MARCHF7: variants seen among roughly 807,000 people sequenced by gnomAD.
MARCHF7 encodes the protein E3 ubiquitin-protein ligase MARCHF7.
Under a neutral mutation model 76.5 loss-of-function variants are expected in MARCHF7, and 20 were observed. The ratio of observed to expected loss-of-function variants is 0.26; its 90% CI spans 0.18 to 0.38. The LOEUF (loss-of-function observed/expected upper bound fraction) is 0.38, where lower values mean the gene tolerates loss of function less well. MARCHF7 is among the 10% of genes least tolerant of loss of function. The pLI, the probability that MARCHF7 is intolerant of heterozygous loss-of-function variation, is 1.00. For synonymous variants in MARCHF7, 295 were observed against 293.0 expected, an observed-to-expected ratio of 1.01 and a Z score of -0.07; for missense variants, 797 against 812.9, an observed-to-expected ratio of 0.98 and a Z score of 0.24.
At chr2:159,731,795 A>AT (rs1236817967) in intron 4 of MARCHF7, among the ~76,000 whole-genome samples, 3 of 147,192 alleles carry the variant, frequency 2.0e-5, no homozygotes, top group African/African-American at 5.0e-5. Context: ...AACAAATAGC[A>AT]TTTTTTAAAA....
intron 1 of MARCHF7, among the ~76,000 whole-genome samples, chr2:159,713,705 T>TTTAACAGTATAATA (rs1700616227): frequency 1.3e-5 from 2 of 152,200 alleles, no homozygotes; most frequent in African/African-American, 4.8e-5. Flanking sequence ...GTATAATATT[T>TTTAACAGTATAATA]TTATTTAACA....
intron 3 of MARCHF7, among the ~76,000 whole-genome samples, chr2:159,721,440 T>G (rs1032078080): frequency 6.6e-6 from 1 of 152,196 alleles, no homozygotes; most frequent in African/African-American, 2.4e-5. Flanking sequence ...CAGCCACTAT[T>G]AAAATGCCTT....
chr2:159,736,138 G>T (rs1377575314), intron 4 of MARCHF7, among the ~76,000 whole-genome samples: 2 of 152,152 alleles, frequency 1.3e-5, no homozygotes, highest in Non-Finnish European at 2.9e-5. Flanking sequence ...TAAAATAAGG[G>T]AATGGAATTG....
intron 7 of MARCHF7, among the ~76,000 whole-genome samples, chr2:159,750,196 A>C (rs1705455141): frequency 6.6e-6 from 1 of 152,312 alleles, no homozygotes; most frequent in East Asian, 1.9e-4. Context: ...ATGAGCCACC[A>C]TGCCCAGCCA....
At chr2:159,732,937 A>G in intron 4 of MARCHF7, 1 of 985,066 alleles carries the variant, frequency 1.0e-6, no homozygotes, top group Non-Finnish European at 1.2e-6. Context: ...AAGATTGTTC[A>G]TCTTAATTGT....
At chr2:159,753,550 CAA>C (rs55967231) in intron 8 of MARCHF7, among the ~76,000 whole-genome samples, 50 of 142,022 alleles carry the variant, frequency 3.5e-4, no homozygotes, top group African/African-American at 7.5e-4. Flanking sequence ...GACTCCATGT[CAA>C]AAAAAAAAAA....
chr2:159,757,666 T>C (rs1706501057), intron 8 of MARCHF7, among the ~76,000 whole-genome samples: 1 of 152,184 alleles, frequency 6.6e-6, no homozygotes, highest in Admixed American at 6.5e-5. Context: ...TAGAAATAAA[T>C]GGGTTGCTCC....
At position 159,715,701 on chromosome 2, in the gene MARCHF7, T is replaced by A. The variant is rs1434430225; in HGVS notation, c.-80T>A. The A allele has an allele frequency of 2.0e-5, 3 of 152,156 alleles. No individual in the cohort carries two copies. The highest frequency in any genetic ancestry group is 4.4e-5 in the Non-Finnish European group (3 of 68,034). 9.4% of individuals were successfully genotyped at this position (152,156 alleles called of 1,614,324 possible). A position where few individuals can be genotyped will look rare whatever the true frequency, so the allele number is the denominator to read the frequency against. Reference sequence around the variant, plus strand: ...TTCAGCTTTCTGCCCTGGCATGAACTTACATGGTCAGAGCTGGTTTTTCCT... The same window carrying A: ...TTCAGCTTTCTGCCCTGGCATGAACATACATGGTCAGAGCTGGTTTTTCCT... On this transcript the variant is annotated 5_prime_UTR_variant, in exon 3 of 12. Coordinates refer to ENST00000409175, the MANE Select transcript of MARCHF7 (RefSeq NM_001282805.2).
Position 159,752,466 on chromosome 2 carries a change from GCAT to G in MARCHF7, c.1686_1688del (p.Ser563del). 1.2e-6 allele frequency: 2 copies of G among 1,606,276 alleles called. No individual in the cohort carries two copies. Among genetic ancestry groups the G allele is most frequent in the Non-Finnish European group, 1.7e-6 (2 of 1,176,900 alleles). On this transcript the variant is annotated inframe_deletion, in exon 8 of 12. Coordinates refer to ENST00000409175, the MANE Select transcript of MARCHF7 (RefSeq NM_001282805.2). ...ATGTAGAATTTGTCAAATGGCAGCT[GCAT>G]CATCATCTAATTTGCTGATAGAGCC...
chr2:159,753,087 G>A (rs967285760), intron 8 of MARCHF7, among the ~76,000 whole-genome samples: 5 of 152,166 alleles, frequency 3.3e-5, no homozygotes, highest in Non-Finnish European at 7.4e-5. Flanking sequence ...TGTTAAGGAA[G>A]TGCCTTTTTG....
rs28365982 is a variant in MARCHF7, at chr2:159,712,509, T to G, written c.-240T>G. ...GGGGCACTTAACGGTGGTGGCTGGT[T>G]CTGCGCCGGATCCGGGAGAGGGGCG... On this transcript the variant is annotated 5_prime_UTR_variant, in exon 1 of 12. Transcript: ENST00000409175. 4,795 of 152,790 alleles carry G rather than the reference T, an allele frequency of 0.031. 115 individuals carry two copies. The highest frequency in any genetic ancestry group is 0.13 in the East Asian group (692 of 5,140). The allele number at this position is 152,790 out of a possible 1,614,324, so 9.5% of individuals were successfully genotyped here. A position where few individuals can be genotyped will look rare whatever the true frequency, so the allele number is the denominator to read the frequency against.
At position 159,748,721 on chromosome 2, in the gene MARCHF7, G is replaced by T; in HGVS notation, c.1431G>T (p.Gly477=). ...AQGGRNTGIS[G]ILPGSLFRFA... ...GTGGAAGAAATACAGGAATATCAGG[G>T]ATTCTTCCTGGTTCCTTATTCCGGT... The change falls in exon 7 of 12, where the codon GGG becomes GGT. Residue 477 remains glycine (G), a synonymous_variant. Transcript: ENST00000409175. The T allele has an allele frequency of 6.2e-7, 1 of 1,614,138 alleles. No homozygotes were observed. Among genetic ancestry groups the T allele is most frequent in the Non-Finnish European group, 8.5e-7 (1 of 1,180,026 alleles).
At chr2:159,728,489 A>G (rs570365276) in intron 3 of MARCHF7, among the ~76,000 whole-genome samples, 1 of 152,358 alleles carries the variant, frequency 6.6e-6, no homozygotes, top group Middle Eastern at 3.4e-3. Flanking sequence ...AATGCATAGT[A>G]GTATCAAAAG....
chr2:159,735,147 C>T (rs1225677703), intron 4 of MARCHF7, among the ~76,000 whole-genome samples: 3 of 152,154 alleles, frequency 2.0e-5, no homozygotes, highest in Non-Finnish European at 2.9e-5. Flanking sequence ...TAAGTTGTTG[C>T]TCATGGCTAA....
rs766857856 is a variant in MARCHF7 at position 159,748,396 on chromosome 2, A to C, written c.1106A>C (p.Asp369Ala). ...AGCCACAATCATAGCTCTGAGTCAG[A>C]TTCAGAAAATTTTAACCAAGAATCT... ...SLSHNHSSES[D>A]SENFNQESEG... The change falls in exon 7 of 12, where the codon GAT becomes GCT. Residue 369 changes from aspartate (D) to alanine (A), a missense_variant. By Grantham distance (126) the Asp-to-Ala change is moderately radical. Around this residue, in one of 3 missense-constraint regions of MARCHF7, gnomAD observed 643 missense variants for 631.5 expected, o/e 1.02. Transcript: ENST00000409175. 6.3e-5 allele frequency: 101 copies of C among 1,613,910 alleles called. 1 individual carries two copies. The highest frequency in any genetic ancestry group is 8.2e-5 in the Non-Finnish European group (97 of 1,180,046).
In MARCHF7 at chr2:159,767,519, T is replaced by G. The variant is rs1707941544; in HGVS notation, c.*177T>G. The stretch of plus-strand genomic sequence containing the variant: ...TATTCATTCTCCAGTGTTGCTGAAT[T>G]AAAATTCTGCTGGACTTTTTAACAT... On this transcript the variant is annotated 3_prime_UTR_variant, in exon 12 of 12. Transcript: ENST00000409175. The G allele has an allele frequency of 6.7e-6, 3 of 447,640 alleles. No homozygotes were observed. Among genetic ancestry groups the G allele is most frequent in the Non-Finnish European group, 1.2e-5 (3 of 255,528 alleles). The allele number at this position is 447,640 out of a possible 1,614,324, so 27.7% of individuals were successfully genotyped here.
intron 9 of MARCHF7, among the ~76,000 whole-genome samples, chr2:159,760,232 T>G (rs1706867566): frequency 6.6e-6 from 1 of 152,218 alleles, no homozygotes; most frequent in East Asian, 1.9e-4. Flanking sequence ...GAACCACTTT[T>G]TTTTAAATGT....
chr2:159,767,467 A>G lies in MARCHF7; in HGVS notation c.*125A>G. 1.6e-6 allele frequency: 1 copy of G among 629,446 alleles called. No homozygotes were observed. The highest frequency in any genetic ancestry group is 2.7e-6 in the Non-Finnish European group (1 of 364,222). 39.0% of individuals were successfully genotyped at this position (629,446 alleles called of 1,614,324 possible). On this transcript the variant is annotated 3_prime_UTR_variant, in exon 12 of 12. Coordinates refer to ENST00000409175, the MANE Select transcript of MARCHF7 (RefSeq NM_001282805.2). ...TTGACTATATATAAAATGAATATAT[A>G]CATACACATGTATGCCTGTATATAT...
At chr2:159,750,775 A>G (rs928988697) in intron 7 of MARCHF7, among the ~76,000 whole-genome samples, 1 of 144,496 alleles carries the variant, frequency 6.9e-6, no homozygotes, top group African/African-American at 2.4e-5. Flanking sequence ...GAAAAGACTT[A>G]TATAAAGTTA....
Sources: allele counts gnomAD v4.1 joint callset (sites outside exome capture counted in the v4.1 genomes callset), GRCh38; gene constraint gnomAD v4.1.1; regional missense constraint gnomAD v4.1.1; transcripts MANE v1.5; gene names NCBI Gene and HGNC (gene_info 2026-07-23, HGNC 2026-07-21).